The following PDE4A variants were observed in gnomAD, a reference collection of about 807,000 sequenced individuals.
PDE4A encodes phosphodiesterase 4A.
PDE4A carries 21 observed loss-of-function variants against 73.9 expected under a neutral mutation model. The ratio of observed to expected loss-of-function variants is 0.28; its 90% CI spans 0.20 to 0.41. The LOEUF is 0.41. Among genes scored for constraint, PDE4A ranks in the 10% least tolerant of loss-of-function variants. The probability of loss-of-function intolerance (pLI) is 1.00; values close to 1 mark genes in which losing one functional copy is unlikely to be tolerated. For synonymous variants in PDE4A, 463 were observed against 505.4 expected (o/e 0.92, Z 1.13); for missense variants, 958 against 1,211.4 (o/e 0.79, Z 3.10).
upstream of PDE4A, chr19:10,417,979 T>A: frequency 1.7e-6 from 2 of 1,199,184 alleles, no homozygotes; most frequent in Non-Finnish European, 2.3e-6. Flanking sequence ...TTTGCAAAAC[T>A]AGCTGCAACT....
chr19:10,465,683 C>CTTTTTTTTTTTTTTTT lies in PDE4A; in HGVS notation c.1927-1185_1927-1170dup, dbSNP rs749126870. ...TCATAGCAATAGTTTGTGGCTTTAGCTTTTTTTTTTTTTTTTTTTTTTTTT... is the reference window on the plus strand; with the variant it reads ...TCATAGCAATAGTTTGTGGCTTTAGCTTTTTTTTTTTTTTTTTTTTTTTTTTTTTTTTTTTTTTTTT... On this transcript the variant is annotated intron_variant, in intron 14 of 14. Transcript: ENST00000380702. 4.1e-4 allele frequency among the ~76,000 whole-genome samples: 20 copies of CTTTTTTTTTTTTTTTT among 48,380 alleles called. 3 individuals carry two copies. Among genetic ancestry groups the CTTTTTTTTTTTTTTTT allele is most frequent in the African/African-American group, 5.7e-4 (7 of 12,352 alleles). The allele number at this position is 48,380 out of a possible 152,430, so 31.7% of individuals were successfully genotyped here.
chr19:10,424,115 C>A lies in PDE4A; in HGVS notation c.320+3031C>A, dbSNP rs2042684494. Among the ~76,000 whole-genome samples the A allele has an allele frequency of 6.6e-6, 1 of 152,326 alleles. No homozygotes were observed. The highest frequency in any genetic ancestry group is 6.5e-5 in the Admixed American group (1 of 15,296). On this transcript the variant is annotated intron_variant, in intron 1 of 14. Transcript: ENST00000380702. The surrounding 1 kb of genome is among the most constrained non-coding windows in gnomAD (Gnocchi z 4.8). ...AGAGAGGGCACTGCCCACCCCCAAC[C>A]GGAGATGTCATCCAAACCTCCCCTC...
chr19:10,429,263 G>T (rs1191606715), intron 1 of PDE4A, among the ~76,000 whole-genome samples: 1 of 141,554 alleles, frequency 7.1e-6, no homozygotes, highest in Admixed American at 7.0e-5. Context: ...GAAAGGAAAG[G>T]AAAGAAGGAA....
chr19:10,432,019 G>C (rs1158511116), intron 1 of PDE4A, among the ~76,000 whole-genome samples: 1 of 151,884 alleles, frequency 6.6e-6, no homozygotes, highest in Non-Finnish European at 1.5e-5. Flanking sequence ...TTCCCCGGGG[G>C]CGCACGGCGA....
In PDE4A at chr19:10,453,423, GGAGATGAAGCCT is replaced by G; in HGVS notation, c.784-1405_784-1394del. 7.0e-7 allele frequency: 1 copy of G among 1,419,072 alleles called. No homozygotes were observed. Among genetic ancestry groups the G allele is most frequent in the South Asian group, 1.4e-5 (1 of 73,498 alleles). 87.9% of individuals were successfully genotyped at this position (1,419,072 alleles called of 1,614,324 possible). A position where few individuals can be genotyped will look rare whatever the true frequency, so the allele number is the denominator to read the frequency against. On this transcript the variant is annotated intron_variant, in intron 6 of 14. Transcript: ENST00000380702. The surrounding 1 kb of genome is among the most constrained non-coding windows in gnomAD (Gnocchi z 4.6). Reference sequence around the variant, plus strand: ...GTGCAGCTGTGCACGTGTGTGGCCTGGAGATGAAGCCTTGTGACTGTCTCTGTGTGTGGCCCA... The same window carrying G: ...GTGCAGCTGTGCACGTGTGTGGCCTGTGTGACTGTCTCTGTGTGTGGCCCA...
chr19:10,430,959 C>T (rs1165802041), intron 1 of PDE4A: 3 of 1,536,172 alleles, frequency 2.0e-6, no homozygotes, highest in Admixed American at 1.9e-5. Context: ...CCCGCGCGCG[C>T]CCCGCCGCCC....
intron 1 of PDE4A, among the ~76,000 whole-genome samples, chr19:10,421,732 A>AG (rs1323764333): frequency 3.9e-5 from 6 of 151,916 alleles, no homozygotes; most frequent in Admixed American, 2.6e-4. Flanking sequence ...GAAACAGTGG[A>AG]GGGGGGGCGC....
intron 1 of PDE4A, among the ~76,000 whole-genome samples, chr19:10,443,962 G>T (rs1048016748): frequency 6.8e-6 from 1 of 147,110 alleles, no homozygotes; most frequent in African/African-American, 2.5e-5. Context: ...AGCCAAGATC[G>T]CATCACTGGA....
In PDE4A at chr19:10,461,121, G is replaced by A. The variant is rs973601251; in HGVS notation, c.1465+18G>A. The A allele has an allele frequency of 6.2e-7, 1 of 1,603,586 alleles. No homozygotes were observed. The highest frequency in any genetic ancestry group is 1.3e-5 in the African/African-American group (1 of 74,646). ...CAACACCAGTGAGTGGCCCTCGCCA[G>A]GGGCGGGGTTTGCTGAGTTGGAGGC... On this transcript the variant is annotated intron_variant, in intron 11 of 14. Transcript: ENST00000380702.
intron 1 of PDE4A, chr19:10,432,643 G>A: frequency 7.1e-7 from 1 of 1,409,398 alleles, no homozygotes; most frequent in Non-Finnish European, 9.5e-7. Flanking sequence ...GGGGGTGGGG[G>A]TGCTGAGTCT....
Position 10,450,945 on chromosome 19 carries a change from T to G in PDE4A, c.783+4T>G, listed in dbSNP as rs186353937. On this transcript the variant is annotated splice_donor_region_variant and intron_variant, in intron 6 of 14. Transcript: ENST00000380702. ...CAGCGAGATGGCCTCGCACAAGGTG[T>G]GCAGGTGGTGGGCAGAACCCCTGGG... 3.6e-4 allele frequency: 578 copies of G among 1,588,020 alleles called. No individual in the cohort carries two copies. The African/African-American group carries it at 6.6e-3, about 18-fold the overall frequency.
At chr19:10,430,974 T>C (rs1279683460) in intron 1 of PDE4A, 9 of 1,551,460 alleles carry the variant, frequency 5.8e-6, no homozygotes, top group South Asian at 3.5e-5. Flanking sequence ...CCGCCCGCGT[T>C]CGCCGCCCTC....
chr19:10,418,509 C>A (rs1190048634), upstream of PDE4A, among the ~76,000 whole-genome samples: 1 of 152,004 alleles, frequency 6.6e-6, no homozygotes, highest in East Asian at 1.9e-4. Flanking sequence ...CCACCCCCAC[C>A]CCCATCTACT....
rs201916904 is a variant in PDE4A, at chr19:10,420,547, CG to C, written c.-215del. 1 of 1,172,470 alleles carries C rather than the reference CG, an allele frequency of 8.5e-7. No individual in the cohort carries two copies. The highest frequency in any genetic ancestry group is 1.1e-6 in the Non-Finnish European group (1 of 945,106). The allele number at this position is 1,172,470 out of a possible 1,614,324, so 72.6% of individuals were successfully genotyped here. On this transcript the variant is annotated 5_prime_UTR_variant, in exon 1 of 15. Transcript: ENST00000380702. The surrounding 1 kb of genome is among the most constrained non-coding windows in gnomAD (Gnocchi z 6.0). ...GAGCGCGGAGCGCGGAGAGCGCCGC[CG>C]GGCACTGAGCAGAGCTCCAGGCGCC...
rs193163056 is a variant in PDE4A, at chr19:10,438,364, G to A, written c.321-7854G>A. Among the ~76,000 whole-genome samples the A allele has an allele frequency of 2.0e-4, 30 of 151,830 alleles. No individual in the cohort carries two copies. In the East Asian group the frequency reaches 4.3e-3, roughly 22 times the overall value. ...CTGACCTTGTGATCCGCCCGCCTCC[G>A]CCTGCCAAAGTGCTGGGATTACAGG... On this transcript the variant is annotated intron_variant, in intron 1 of 14. Transcript: ENST00000380702.
chr19:10,424,792 G>A lies in PDE4A; in HGVS notation c.320+3708G>A, dbSNP rs1055442978. Among the ~76,000 whole-genome samples, 23 of 152,248 alleles carry A rather than the reference G, an allele frequency of 1.5e-4. No homozygotes were observed. Among genetic ancestry groups the A allele is most frequent in the Admixed American group, 1.3e-3 (20 of 15,284 alleles). On this transcript the variant is annotated intron_variant, in intron 1 of 14. Transcript: ENST00000380702. The surrounding 1 kb of genome is among the most constrained non-coding windows in gnomAD (Gnocchi z 4.8). The stretch of plus-strand genomic sequence containing the variant: ...ACCTGGCCGAAAAGTTGCAGCCGTG[G>A]AGTTCCCGTCCCGCCTCTGCGCGCT...
intron 1 of PDE4A, among the ~76,000 whole-genome samples, chr19:10,445,385 G>C (rs1266694393): frequency 1.3e-5 from 2 of 152,202 alleles, no homozygotes; most frequent in African/African-American, 4.8e-5. Flanking sequence ...CCCCAGCACA[G>C]CAGTGGGGAT....
chr19:10,421,786 A>G (rs962385116), intron 1 of PDE4A, among the ~76,000 whole-genome samples: 7 of 152,176 alleles, frequency 4.6e-5, no homozygotes, highest in Admixed American at 4.6e-4. Context: ...CAGAGGTGAC[A>G]GCATAGTGAG....
At position 10,461,998 on chromosome 19, in the gene PDE4A, A is replaced by G; in HGVS notation, c.1742A>G (p.Gln581Arg). The G allele has an allele frequency of 6.2e-7, 1 of 1,612,420 alleles. No individual in the cohort carries two copies. The highest frequency in any genetic ancestry group is 8.5e-7 in the Non-Finnish European group (1 of 1,178,968). Residue 581 changes from glutamine to arginine, a missense_variant and splice_region_variant, in exon 13 of 15, where the codon CAG (glutamine) becomes CGG (arginine). Physicochemically the swap from Gln to Arg is conservative, Grantham distance 43. Around this residue, in one of 3 missense-constraint regions of PDE4A, gnomAD observed 570 missense variants for 827.7 expected, o/e 0.69. Coordinates refer to ENST00000380702, the MANE Select transcript of PDE4A (RefSeq NM_001111307.2). The stretch of plus-strand genomic sequence containing the variant: ...CTAGATAACTACTCCGACCGCATCC[A>G]GGTGCCCCCACGCCCCATCATCTAA... ...LLLDNYSDRI[Q>R]VLRNMVHCAD...
Sources: gnomAD v4.1 joint callset for allele counts (sites outside exome capture counted in the v4.1 genomes callset) on GRCh38, gnomAD v4.1.1 for gene constraint, gnomAD v4.1.1 regional missense constraint, Gnocchi (gnomAD v3.1) non-coding constraint, MANE v1.5 for transcripts, NCBI Gene and HGNC (gene_info 2026-07-23, HGNC 2026-07-21) for gene names.